The following WNK2 variants were observed in gnomAD, a reference collection of about 807,000 sequenced individuals.
The protein encoded by WNK2 is WNK lysine deficient protein kinase 2.
WNK2 carries 67 observed loss-of-function variants against 192.1 expected under a neutral mutation model. That is an observed-to-expected ratio of 0.35 (90% CI 0.29 to 0.43). The LOEUF (loss-of-function observed/expected upper bound fraction) is 0.43. WNK2 is among the 20% of genes least tolerant of loss of function. The pLI is 1.00. For missense variants in WNK2, 2,698 were observed against 3,089.7 expected (o/e 0.87, Z 3.01); for synonymous variants, 1,439 against 1,393.9 (o/e 1.03, Z -0.72).
Position 93,252,988 on chromosome 9 carries a change from C to A in WNK2, c.1940C>A (p.Pro647Gln). ...LGSLADAAPS[P>Q]AQCVCSPPVS... ...TCCCTTGCCGACGCAGCGCCGTCCCCGGCCCAGTGTGTGTGCAGCCCCCCT... is the reference window on the plus strand; with the variant it reads ...TCCCTTGCCGACGCAGCGCCGTCCCAGGCCCAGTGTGTGTGCAGCCCCCCT... Residue 647 changes from proline (P) to glutamine (Q), a missense_variant, in exon 9 of 30, where the codon CCG (proline) becomes CAG (glutamine). By Grantham distance (76) the Pro-to-Gln change is moderately conservative. Transcript: ENST00000427277. The A allele has an allele frequency of 1.3e-6, 2 of 1,566,264 alleles. No individual in the cohort carries two copies. The highest frequency in any genetic ancestry group is 4.9e-5 in the East Asian group (2 of 41,216).
In WNK2 at chr9:93,257,884, C is replaced by T. The variant is rs1843569404; in HGVS notation, c.2382+745C>T. Among the ~76,000 whole-genome samples, 1 of 152,210 alleles carries T rather than the reference C, an allele frequency of 6.6e-6. No homozygotes were observed. Among genetic ancestry groups the T allele is most frequent in the Admixed American group, 6.5e-5 (1 of 15,280 alleles). ...GTAGCCGGGGCCAGGGCACCATTGCCCAGGTAAATGGCATGGAGGATTCTA... is the reference window on the plus strand; with the variant it reads ...GTAGCCGGGGCCAGGGCACCATTGCTCAGGTAAATGGCATGGAGGATTCTA... On this transcript the variant is annotated intron_variant, in intron 11 of 29. Coordinates refer to ENST00000427277, the MANE Select transcript of WNK2 (RefSeq NM_006648.4). This position sits in a 1 kb window ranked among gnomAD's most constrained non-coding sequence, Gnocchi z 4.7.
chr9:93,214,706 C>A (rs569309371), intron 2 of WNK2, among the ~76,000 whole-genome samples: 10 of 87,724 alleles, frequency 1.1e-4, no homozygotes, highest in African/African-American at 4.9e-4. Context: ...TGCCCCCCCC[C>A]CCCCCGCCCT....
At chr9:93,298,175 C>T in intron 24 of WNK2, 108 bp downstream of exon 24, 2 of 1,218,840 alleles carry the variant, frequency 1.6e-6, no homozygotes, top group African/African-American at 1.5e-5. Flanking sequence ...TGGAAGACCA[C>T]TCGGGGTTAT....
intron 8 of WNK2, among the ~76,000 whole-genome samples, chr9:93,251,643 A>G (rs1002654658): frequency 8.5e-5 from 13 of 152,170 alleles, no homozygotes; most frequent in Admixed American, 6.5e-4. Context: ...CTGGGAGGTC[A>G]AGGCTGTAGT....
chr9:93,225,914 ATGTTGTGTTGTGTTGTGTTG>A (rs35020803), intron 2 of WNK2, among the ~76,000 whole-genome samples: 3 of 150,850 alleles, frequency 2.0e-5, no homozygotes, highest in Non-Finnish European at 1.5e-5. Context: ...CTGTTGTGTT[ATGTTGTGTTGTGTTGTGTTG>A]TGTTGTGTTG....
intron 2 of WNK2, among the ~76,000 whole-genome samples, chr9:93,213,300 G>A (rs1019251193): frequency 1.3e-5 from 2 of 152,092 alleles, no homozygotes; most frequent in Admixed American, 6.5e-5. Flanking sequence ...CATTCCACCT[G>A]TCATTTTATT....
chr9:93,216,038 G>A (rs1396488554), intron 2 of WNK2, among the ~76,000 whole-genome samples: 1 of 152,184 alleles, frequency 6.6e-6, no homozygotes, highest in Non-Finnish European at 1.5e-5. Context: ...ATTCAAAGCT[G>A]TGTTTCAGCC....
intron 19 of WNK2, among the ~76,000 whole-genome samples, chr9:93,271,202 C>T (rs574980122): frequency 5.3e-5 from 8 of 152,338 alleles, no homozygotes; most frequent in Admixed American, 3.3e-4. Flanking sequence ...GTGGAACTGA[C>T]ATGTAACCAC....
chr9:93,308,866 C>G (rs1292878652), intron 28 of WNK2: 3 of 1,328,166 alleles, frequency 2.3e-6, no homozygotes, highest in Non-Finnish European at 2.9e-6. Flanking sequence ...CAGCCCCAGC[C>G]TGGGCAGCCC....
At chr9:93,265,034 G>A (rs1335628576) in intron 16 of WNK2, among the ~76,000 whole-genome samples, 1 of 152,252 alleles carries the variant, frequency 6.6e-6, no homozygotes, top group African/African-American at 2.4e-5. Flanking sequence ...CTCCTAGGGA[G>A]CAAGTCCCTG....
intron 29 of WNK2, chr9:93,318,143 C>A: frequency 6.6e-7 from 1 of 1,521,662 alleles, no homozygotes; most frequent in Non-Finnish European, 8.8e-7. Flanking sequence ...TTTCCGTTCC[C>A]TGATGAAAAG....
At chr9:93,315,885 T>G (rs1176594248) in intron 28 of WNK2, 2 of 152,086 alleles carry the variant, frequency 1.3e-5, no homozygotes, top group Non-Finnish European at 2.9e-5. Context: ...ATGGTGAACA[T>G]GAAATGGTAA....
rs1445957717 is a variant in WNK2 at position 93,300,129 on chromosome 9, G to A, written c.6194G>A (p.Gly2065Glu). The A allele has an allele frequency of 1.2e-6, 2 of 1,613,384 alleles. No homozygotes were observed. Among genetic ancestry groups the A allele is most frequent in the Non-Finnish European group, 1.7e-6 (2 of 1,179,682 alleles). ...SSKPRARFLSGPVSVSIWSAL... is the reference protein window; with the variant it reads ...SSKPRARFLSEPVSVSIWSAL... ...AAACCTCGTGCTCGATTCCTCAGTG[G>A]ACCCGTATCTGTGTCCATCTGTCTG... Residue 2065 changes from glycine to glutamate, a missense_variant, in exon 26 of 30, where the codon GGA becomes GAA. Transcript: ENST00000427277.
rs532257594 is a variant in WNK2 at position 93,247,820 on chromosome 9, C to T, written c.1820C>T (p.Ala607Val). The T allele has an allele frequency of 9.7e-6, 15 of 1,539,234 alleles. No homozygotes were observed. The East Asian group carries it at 3.4e-4, about 35-fold the overall frequency. The change falls in exon 8 of 30, where the codon GCC (alanine) becomes GTC (valine). Residue 607 changes from alanine to valine, a missense_variant. By Grantham distance (64) the Ala-to-Val change is moderately conservative (BLOSUM62 0). This residue lies in a region of WNK2 where 893 missense variants were observed against 909.0 expected (regional missense o/e 0.98). Transcript: ENST00000427277. The surrounding 1 kb of genome is among the most constrained non-coding windows in gnomAD (Gnocchi z 5.2). ...HLLPPTLPTS[A>V]TSLASDSTFD... ...CTGCCACCTACGTTGCCGACCAGCG[C>T]CACCTCCCTGGCCTGTGAGTGCTCA... is the stretch of plus-strand genomic sequence containing the variant.
At chr9:93,278,313 C>T (rs1588392972) in intron 19 of WNK2, among the ~76,000 whole-genome samples, 1 of 152,100 alleles carries the variant, frequency 6.6e-6, no homozygotes, top group Non-Finnish European at 1.5e-5. Context: ...GGGTGATTCC[C>T]CTGGATGATT....
At chr9:93,251,055 G>T (rs1486232296) in intron 8 of WNK2, among the ~76,000 whole-genome samples, 1 of 151,890 alleles carries the variant, frequency 6.6e-6, no homozygotes, top group East Asian at 1.9e-4. Context: ...TCAAGGTGCT[G>T]GGATTACAGG....
intron 28 of WNK2, chr9:93,316,242 C>T (rs1854643587): frequency 6.6e-6 from 1 of 152,186 alleles, no homozygotes; most frequent in South Asian, 2.1e-4. Context: ...TGTTGATCTT[C>T]TTCAAGAAGT....
intron 12 of WNK2, among the ~76,000 whole-genome samples, chr9:93,260,198 A>G (rs1362877732): frequency 6.6e-6 from 1 of 152,088 alleles, no homozygotes; most frequent in Non-Finnish European, 1.5e-5. Context: ...TCTGGAACAC[A>G]TGATATGTGC....
At chr9:93,308,874 C>T in intron 28 of WNK2, 1 of 1,306,770 alleles carries the variant, frequency 7.7e-7, no homozygotes, top group Non-Finnish European at 9.8e-7. Flanking sequence ...GCCTGGGCAG[C>T]CCAAGCCCCG....
Sources: allele counts gnomAD v4.1 joint callset (sites outside exome capture counted in the v4.1 genomes callset), GRCh38; gene constraint gnomAD v4.1.1; regional missense constraint gnomAD v4.1.1; non-coding constraint Gnocchi (gnomAD v3.1); transcripts MANE v1.5; gene names NCBI Gene and HGNC (gene_info 2026-07-23, HGNC 2026-07-21).